Variants in RNF24 observed in about 807,000 individuals in gnomAD.
RNF24 encodes ring finger protein 24.
Under a neutral mutation model 20.0 loss-of-function variants are expected in RNF24, and 14 were observed. The observed-to-expected ratio is 0.70, with a 90% confidence interval of 0.46 to 1.10. The LOEUF is 1.10. RNF24 is among the 50% of genes least tolerant of loss of function. The pLI is 0.00. For missense variants in RNF24, 124 were observed against 177.6 expected, an observed-to-expected ratio of 0.70 and a Z score of 1.71; for synonymous variants, 45 against 61.1, an observed-to-expected ratio of 0.74 and a Z score of 1.23.
At chr20:3,987,558 G>C (rs1378235819) in intron 1 of RNF24, among the ~76,000 whole-genome samples, 1 of 152,102 alleles carries the variant, frequency 6.6e-6, no homozygotes, top group South Asian at 2.1e-4. Context: ...TTTACTCAGA[G>C]CCAATTTTTA....
intron 1 of RNF24, among the ~76,000 whole-genome samples, chr20:4,007,300 A>T (rs936441897): frequency 2.0e-5 from 3 of 152,206 alleles, no homozygotes; most frequent in Admixed American, 2.0e-4. Context: ...GGTTAGAAGT[A>T]CCTGACTCTC....
chr20:4,012,447 A>C (rs560419509), intron 1 of RNF24, among the ~76,000 whole-genome samples: 48 of 151,998 alleles, frequency 3.2e-4, no homozygotes, highest in African/African-American at 1.1e-3. Context: ...CACCCAAAAA[A>C]CAAAAAAGCA....
chr20:3,936,572 C>T (rs2090893745), intron 4 of RNF24, among the ~76,000 whole-genome samples: 1 of 152,200 alleles, frequency 6.6e-6, no homozygotes, highest in South Asian at 2.1e-4. Flanking sequence ...AAAAATCCAG[C>T]AGTTTCAGCC....
chr20:3,950,588 C>T (rs1453606756), intron 2 of RNF24, among the ~76,000 whole-genome samples: 4 of 152,198 alleles, frequency 2.6e-5, no homozygotes, highest in African/African-American at 4.8e-5. Context: ...CACTTTGTTA[C>T]AGCAACACTA....
rs2090845725 is a variant in RNF24 at position 3,933,122 on chromosome 20, A to G, written c.*941T>C. 2 of 391,902 alleles carry G rather than the reference A, an allele frequency of 5.1e-6. No homozygotes were observed. Among genetic ancestry groups the G allele is most frequent in the African/African-American group, 4.3e-5 (2 of 46,864 alleles). The allele number at this position is 391,902 out of a possible 1,614,324, so 24.3% of individuals were successfully genotyped here. A position where few individuals can be genotyped will look rare whatever the true frequency, so the allele number is the denominator to read the frequency against. On this transcript the variant is annotated 3_prime_UTR_variant, in exon 6 of 6. Transcript: ENST00000358395. The stretch of plus-strand genomic sequence containing the variant: ...AAAGAGAGATAGGGCAAGAGAGAGA[A>G]GAGATGGAAGGAGGGGGAGAGGCCA...
chr20:4,012,416 CA>C (rs1168128221), intron 1 of RNF24, among the ~76,000 whole-genome samples: 41 of 112,004 alleles, frequency 3.7e-4, no homozygotes, highest in Admixed American at 6.6e-4. Context: ...GACTCCATCT[CA>C]AAAAAAAAAA....
At chr20:3,937,912 A>G (rs1346832523) in intron 4 of RNF24, among the ~76,000 whole-genome samples, 6 of 152,182 alleles carry the variant, frequency 3.9e-5, no homozygotes, top group African/African-American at 1.4e-4. Flanking sequence ...CAATACTGCT[A>G]TAAACACTGG....
At chr20:4,014,047 C>T (rs535084433) in intron 1 of RNF24, among the ~76,000 whole-genome samples, 1 of 152,256 alleles carries the variant, frequency 6.6e-6, no homozygotes, top group Non-Finnish European at 1.5e-5. Flanking sequence ...GGCAGGCAGT[C>T]TGACAGAGTC....
At chr20:4,013,736 C>T (rs1183010082) in intron 1 of RNF24, among the ~76,000 whole-genome samples, 5 of 152,112 alleles carry the variant, frequency 3.3e-5, no homozygotes, top group Non-Finnish European at 7.4e-5. Context: ...CCACCCACCT[C>T]GGCCCCCCAA....
chr20:4,014,564 C>T (rs1183381770), intron 1 of RNF24, among the ~76,000 whole-genome samples: 1 of 152,240 alleles, frequency 6.6e-6, no homozygotes, highest in Non-Finnish European at 1.5e-5. Context: ...TTTAGATGCA[C>T]ATTTCCAATG....
At chr20:3,974,687 AT>A (rs1286480424) in intron 1 of RNF24, among the ~76,000 whole-genome samples, 1 of 152,198 alleles carries the variant, frequency 6.6e-6, no homozygotes, top group Non-Finnish European at 1.5e-5. Flanking sequence ...AAAGAATTAA[AT>A]TTAATAAGAC....
intron 1 of RNF24, among the ~76,000 whole-genome samples, chr20:3,994,642 T>C (rs1260499107): frequency 6.6e-6 from 1 of 152,132 alleles, no homozygotes; most frequent in African/African-American, 2.4e-5. Context: ...ACCAAACCCC[T>C]GGGAAAGGTG....
chr20:3,938,813 A>T (rs2090921677), intron 4 of RNF24, among the ~76,000 whole-genome samples: 1 of 151,906 alleles, frequency 6.6e-6, no homozygotes, highest in Non-Finnish European at 1.5e-5. Context: ...ATCATAGCTC[A>T]CTGCAGCCTC....
At chr20:3,951,058 C>G (rs1484697291) in intron 2 of RNF24, among the ~76,000 whole-genome samples, 2 of 152,168 alleles carry the variant, frequency 1.3e-5, no homozygotes, top group African/African-American at 4.8e-5. Flanking sequence ...TGGGTTCACA[C>G]CATTCTCCTG....
chr20:3,945,304 T>G (rs1200861200), intron 3 of RNF24, 86 bp from the exon 4 acceptor site: 2 of 1,304,746 alleles, frequency 1.5e-6, no homozygotes, highest in Admixed American at 5.4e-5. Context: ...ATTTTTCTTT[T>G]GTATATATGG....
intron 2 of RNF24, among the ~76,000 whole-genome samples, chr20:3,956,774 A>G (rs1189434010): frequency 2.6e-5 from 4 of 152,222 alleles, no homozygotes; most frequent in Non-Finnish European, 5.9e-5. Context: ...AGTTCAAATA[A>G]TCTATATCCT....
chr20:4,013,019 T>G (rs898038431), intron 1 of RNF24, among the ~76,000 whole-genome samples: 4 of 151,938 alleles, frequency 2.6e-5, no homozygotes, highest in Admixed American at 6.6e-5. Flanking sequence ...TTTTTTTTTT[T>G]CTGCTTCATT....
At chr20:3,974,659 G>A (rs913886875) in intron 1 of RNF24, among the ~76,000 whole-genome samples, 2 of 151,946 alleles carry the variant, frequency 1.3e-5, no homozygotes, top group African/African-American at 4.8e-5. Flanking sequence ...ATTTACAATT[G>A]TTCAAAAAAA....
chr20:3,989,498 A>T (rs899341250), intron 1 of RNF24, among the ~76,000 whole-genome samples: 1 of 151,918 alleles, frequency 6.6e-6, no homozygotes, highest in South Asian at 2.1e-4. Flanking sequence ...CTCAAAAAAA[A>T]AAAATAAAAA....
Sources: allele counts gnomAD v4.1 joint callset (sites outside exome capture counted in the v4.1 genomes callset), GRCh38; gene constraint gnomAD v4.1.1; transcripts MANE v1.5; gene names NCBI Gene and HGNC (gene_info 2026-07-23, HGNC 2026-07-21).